Variants in GMPR observed in about 807,000 individuals in gnomAD.
GMPR encodes guanosine monophosphate reductase, also known as GMP reductase 1.
GMPR carries 31 observed loss-of-function variants against 38.4 expected under a neutral mutation model. The ratio of observed to expected loss-of-function variants is 0.81; its 90% CI spans 0.61 to 1.09. The LOEUF (loss-of-function observed/expected upper bound fraction) is 1.09, where lower values mean the gene tolerates loss of function less well. GMPR is among the 50% of genes least tolerant of loss of function. The pLI, the probability that GMPR is intolerant of heterozygous loss-of-function variation, is 0.00. For synonymous variants in GMPR, 162 were observed against 173.3 expected (o/e 0.93, Z 0.51); for missense variants, 468 against 453.7 (o/e 1.03, Z -0.29).
chr6:16,251,698 A>G (rs187113837), intron 3 of GMPR, among the ~76,000 whole-genome samples: 34 of 152,290 alleles, frequency 2.2e-4, no homozygotes, highest in African/African-American at 8.2e-4. Context: ...TTTGAGAGGG[A>G]GTGTGGTTAA....
intron 4 of GMPR, among the ~76,000 whole-genome samples, chr6:16,258,721 A>G (rs1476416400): frequency 6.6e-6 from 1 of 152,212 alleles, no homozygotes; most frequent in East Asian, 1.9e-4. Context: ...GGAAACCTCC[A>G]GTACTTTTAT....
At chr6:16,285,761 G>A in intron 6 of GMPR, 32 bp from the exon 7 acceptor site, 1 of 1,602,270 alleles carries the variant, frequency 6.2e-7, no homozygotes, top group Non-Finnish European at 8.5e-7. Context: ...TCCCGCTGAT[G>A]ATGTCCTGTC....
intron 4 of GMPR, 123 bp downstream of exon 4, chr6:16,254,858 T>C (rs187416307): frequency 2.4e-4 from 155 of 655,582 alleles, no homozygotes; most frequent in South Asian, 4.1e-4. Context: ...AGTCAAAGAT[T>C]AATTGAGGAT....
chr6:16,268,177 A>G (rs6933491), intron 4 of GMPR, among the ~76,000 whole-genome samples: 85,707 of 152,104 alleles, frequency 0.56, 27,070 homozygotes, highest in East Asian at 0.92. Context: ...TGAAAGCTAC[A>G]AAGGTGATGT....
chr6:16,249,260 T>A (rs963608012), intron 2 of GMPR, among the ~76,000 whole-genome samples: 2 of 144,824 alleles, frequency 1.4e-5, no homozygotes, highest in Admixed American at 7.0e-5. Flanking sequence ...GCAACCTCCA[T>A]CTCCCAGGTT....
intron 4 of GMPR, among the ~76,000 whole-genome samples, chr6:16,263,810 G>A (rs1292173713): frequency 6.7e-6 from 1 of 150,134 alleles, no homozygotes; most frequent in South Asian, 2.1e-4. Context: ...CAGAAATAAG[G>A]GATTGGGGTG....
At chr6:16,258,300 GC>G (rs1379331072) in intron 4 of GMPR, among the ~76,000 whole-genome samples, 4 of 152,246 alleles carry the variant, frequency 2.6e-5, no homozygotes, top group Non-Finnish European at 5.9e-5. Context: ...AACTGGAGCT[GC>G]TGTGGGGTGT....
rs553416404 is a variant in GMPR at position 16,253,204 on chromosome 6, G to T, written c.292-1358G>T. ...GTGTAGTTGTGAAAGATCATGTCAG[G>T]CTTGTTTGTTTTCACACCTTGGGAA... On this transcript the variant is annotated intron_variant, in intron 3 of 8. Coordinates refer to ENST00000259727, the MANE Select transcript of GMPR (RefSeq NM_006877.4). Among the ~76,000 whole-genome samples the T allele has an allele frequency of 2.2e-4, 33 of 152,304 alleles. No individual in the cohort carries two copies. The South Asian group carries it at 4.8e-3, about 22-fold the overall frequency.
Position 16,278,894 on chromosome 6 carries a change from A to G in GMPR, c.654+4A>G. The G allele has an allele frequency of 6.3e-7, 1 of 1,587,980 alleles. No homozygotes were observed. Among genetic ancestry groups the G allele is most frequent in the Non-Finnish European group, 8.6e-7 (1 of 1,157,264 alleles). ...CCTGAAGGGCCACATCATCTCTGTG[A>G]GTCTCCACCCGGGGCTGAGGCTGGG... On this transcript the variant is annotated splice_donor_region_variant and intron_variant, in intron 6 of 8. Transcript: ENST00000259727.
At chr6:16,288,412 G>A (rs906319525) in intron 7 of GMPR, among the ~76,000 whole-genome samples, 1 of 152,230 alleles carries the variant, frequency 6.6e-6, no homozygotes. Context: ...AGCAGCTGCG[G>A]AGGGTGTGCT....
intron 4 of GMPR, among the ~76,000 whole-genome samples, chr6:16,271,070 G>A (rs1314182651): frequency 6.6e-6 from 1 of 152,098 alleles, no homozygotes; most frequent in Non-Finnish European, 1.5e-5. Flanking sequence ...TGACTCTACC[G>A]GGTTGTACCT....
chr6:16,260,807 G>A (rs566207384), intron 4 of GMPR, among the ~76,000 whole-genome samples: 107 of 152,034 alleles, frequency 7.0e-4, no homozygotes, highest in African/African-American at 2.5e-3. Flanking sequence ...TGGAGTGAAT[G>A]TCAGGTGGAT....
At chr6:16,272,690 GT>G (rs1251768586) in intron 4 of GMPR, among the ~76,000 whole-genome samples, 2 of 152,060 alleles carry the variant, frequency 1.3e-5, no homozygotes, top group African/African-American at 2.4e-5. Context: ...AGGTATTAGC[GT>G]TTTTCTTATA....
chr6:16,248,020 A>G (rs1169034700), intron 2 of GMPR, among the ~76,000 whole-genome samples: 1 of 152,034 alleles, frequency 6.6e-6, no homozygotes, highest in Non-Finnish European at 1.5e-5. Flanking sequence ...GCTTGAGCTC[A>G]GGAGTTCAAG....
chr6:16,253,203 G>A (rs888760336), intron 3 of GMPR, among the ~76,000 whole-genome samples: 1 of 152,148 alleles, frequency 6.6e-6, no homozygotes, highest in Admixed American at 6.5e-5. Flanking sequence ...GATCATGTCA[G>A]GCTTGTTTGT....
At chr6:16,289,191 G>T (rs1464687026) in intron 7 of GMPR, among the ~76,000 whole-genome samples, 3 of 152,154 alleles carry the variant, frequency 2.0e-5, no homozygotes, top group Non-Finnish European at 4.4e-5. Flanking sequence ...AGCTAGCGCA[G>T]ACCCCAACCC....
intron 4 of GMPR, among the ~76,000 whole-genome samples, chr6:16,258,872 G>A (rs984362345): frequency 3.9e-5 from 6 of 152,172 alleles, no homozygotes; most frequent in South Asian, 2.1e-4. Flanking sequence ...GTGTTATTAC[G>A]ATTGTTACAA....
chr6:16,268,230 G>C (rs917763314), intron 4 of GMPR, among the ~76,000 whole-genome samples: 2 of 152,236 alleles, frequency 1.3e-5, no homozygotes, highest in African/African-American at 4.8e-5. Flanking sequence ...TAACATGGCT[G>C]TTGCCTGGAT....
intron 3 of GMPR, among the ~76,000 whole-genome samples, chr6:16,253,079 A>G (rs1758906312): frequency 1.3e-5 from 2 of 152,262 alleles, no homozygotes; most frequent in African/African-American, 4.8e-5. Context: ...GCAGATGTTC[A>G]GAGAAGGGAG....
Sources: allele counts gnomAD v4.1 joint callset (sites outside exome capture counted in the v4.1 genomes callset), GRCh38; gene constraint gnomAD v4.1.1; transcripts MANE v1.5; gene names NCBI Gene and HGNC (gene_info 2026-07-23, HGNC 2026-07-21).